The following CYFIP2 variants were observed in gnomAD, a reference collection of about 807,000 sequenced individuals.
The protein encoded by CYFIP2 is cytoplasmic FMR1 interacting protein 2, also known as cytoplasmic FMR1-interacting protein 2.
Under a neutral mutation model 158.7 loss-of-function variants are expected in CYFIP2, and 29 were observed. The observed-to-expected ratio is 0.18, with a 90% CI of 0.14 to 0.25. The LOEUF (loss-of-function observed/expected upper bound fraction) is 0.25, where lower values mean the gene tolerates loss of function less well. CYFIP2 is among the 10% of genes least tolerant of loss of function. The pLI is 1.00. For missense variants in CYFIP2, 852 were observed against 1,639.5 expected (o/e 0.52, Z 8.29); for synonymous variants, 585 against 617.6 (o/e 0.95, Z 0.78).
intron 1 of CYFIP2, among the ~76,000 whole-genome samples, chr5:157,283,316 T>C (rs1325013988): frequency 6.6e-6 from 1 of 152,250 alleles, no homozygotes; most frequent in East Asian, 1.9e-4. Context: ...ACTATTATTA[T>C]AATTGGAATT....
rs1158474302 is a variant in CYFIP2 at position 157,359,037 on chromosome 5, C to T, written c.2706C>T (p.Ser902=). ...PLNIAYSHIY[S]SYRNFVGPPH... is the part of the protein sequence containing the mutation. The stretch of plus-strand genomic sequence containing the variant: ...ACATTGCCTACAGCCACATCTACAG[C>T]TCCTACAGGAATTTCGTGGGGCCAC... The change falls in exon 24 of 31, where the codon AGC becomes AGT. Residue 902 remains serine, a synonymous_variant. Transcript: ENST00000620254. 3.7e-6 allele frequency: 6 copies of T among 1,613,876 alleles called. No homozygotes were observed. The Admixed American group carries it at 8.3e-5, about 22-fold the overall frequency.
At chr5:157,364,208 G>A (rs867739326) in intron 26 of CYFIP2, 4 of 144,414 alleles carry the variant, frequency 2.8e-5, no homozygotes, top group Non-Finnish European at 4.5e-5. Context: ...GGGTGGCGGG[G>A]GGGGGTGGGT....
chr5:157,383,412 C>A, intron 28 of CYFIP2, 53 bp downstream of exon 28: 1 of 1,518,040 alleles, frequency 6.6e-7, no homozygotes. Context: ...AACTTGAGAG[C>A]ATTTGACCAA....
At position 157,277,614 on chromosome 5, in the gene CYFIP2, C is replaced by T. The variant is rs533738342; in HGVS notation, c.-23-7725C>T. Among the ~76,000 whole-genome samples, 6 of 152,334 alleles carry T rather than the reference C, an allele frequency of 3.9e-5. No individual in the cohort carries two copies. The East Asian group carries it at 9.6e-4, about 24-fold the overall frequency. On this transcript the variant is annotated intron_variant, in intron 1 of 30. Coordinates refer to ENST00000620254, the MANE Select transcript of CYFIP2 (RefSeq NM_001037333.3). ...GGTCCCTGACCTTGAGGAGCTTTCA[C>T]ATGCATGGTTCTACTCCAGAGAGGG... is the stretch of plus-strand genomic sequence containing the variant.
intron 23 of CYFIP2, among the ~76,000 whole-genome samples, chr5:157,344,530 A>G (rs769783732): frequency 2.0e-5 from 3 of 152,196 alleles, no homozygotes. Flanking sequence ...CTGTTTTTCC[A>G]GACAAATCAA....
intron 8 of CYFIP2, among the ~76,000 whole-genome samples, chr5:157,307,158 A>G (rs1759303154): frequency 6.6e-6 from 1 of 152,194 alleles, no homozygotes; most frequent in South Asian, 2.1e-4. Flanking sequence ...TTAAAAAATT[A>G]AAGTCACCAG....
At chr5:157,312,472 C>T (rs192667882) in intron 11 of CYFIP2, among the ~76,000 whole-genome samples, 9 of 152,236 alleles carry the variant, frequency 5.9e-5, no homozygotes, top group Admixed American at 3.9e-4. Context: ...CCTTCTGATA[C>T]TCATCCCATA....
At chr5:157,276,175 A>G (rs1331423235) in intron 1 of CYFIP2, among the ~76,000 whole-genome samples, 1 of 152,220 alleles carries the variant, frequency 6.6e-6, no homozygotes, top group African/African-American at 2.4e-5. Context: ...TAGAACTGCC[A>G]GTACAATGTT....
chr5:157,310,661 C>T (rs1425899139), intron 10 of CYFIP2, among the ~76,000 whole-genome samples: 1 of 152,218 alleles, frequency 6.6e-6, no homozygotes, highest in African/African-American at 2.4e-5. Flanking sequence ...GACTTCTCGA[C>T]CAGCTGAAGC....
At chr5:157,303,274 A>G (rs923864231) in intron 7 of CYFIP2, among the ~76,000 whole-genome samples, 6 of 152,202 alleles carry the variant, frequency 3.9e-5, no homozygotes, top group Non-Finnish European at 8.8e-5. Flanking sequence ...TTTTGAGAAT[A>G]TTATGAGAAC....
chr5:157,298,182 G>A (rs1296837161), intron 5 of CYFIP2, among the ~76,000 whole-genome samples: 3 of 151,768 alleles, frequency 2.0e-5, no homozygotes, highest in Non-Finnish European at 4.4e-5. Context: ...TCTTTTTGTT[G>A]TTGCTGTTCC....
intron 26 of CYFIP2, among the ~76,000 whole-genome samples, chr5:157,371,346 C>T (rs1764982796): frequency 6.6e-6 from 1 of 152,136 alleles, no homozygotes; most frequent in Admixed American, 6.6e-5. Context: ...CTCCTTTCTC[C>T]ATACAAAAAC....
chr5:157,374,447 C>A (rs1308079346), intron 26 of CYFIP2, among the ~76,000 whole-genome samples: 1 of 152,116 alleles, frequency 6.6e-6, no homozygotes, highest in Non-Finnish European at 1.5e-5. Context: ...TAAACTATAC[C>A]CAGCAGCCTT....
chr5:157,299,819 T>C (rs904873976), intron 5 of CYFIP2, among the ~76,000 whole-genome samples: 1 of 152,166 alleles, frequency 6.6e-6, no homozygotes. Flanking sequence ...GGAGAATCAC[T>C]GGAACCTGAG....
intron 3 of CYFIP2, among the ~76,000 whole-genome samples, chr5:157,293,906 A>C (rs973878090): frequency 3.9e-5 from 6 of 152,064 alleles, no homozygotes; most frequent in Middle Eastern, 6.8e-3. Context: ...CCAGTCATGG[A>C]GTGTGGAAAA....
At chr5:157,330,901 C>A in intron 20 of CYFIP2, 51 bp downstream of exon 20, 1 of 1,414,408 alleles carries the variant, frequency 7.1e-7, no homozygotes, top group Non-Finnish European at 1.0e-6. Flanking sequence ...GAGAGAGCAG[C>A]TGCGAAGTTA....
At chr5:157,313,573 C>T (rs1418460659) in intron 11 of CYFIP2, among the ~76,000 whole-genome samples, 1 of 152,230 alleles carries the variant, frequency 6.6e-6, no homozygotes, top group African/African-American at 2.4e-5. Flanking sequence ...TGTCCGACTT[C>T]AGCTGGGAGT....
rs867112393 is a variant in CYFIP2, at chr5:157,315,211, G to A, written c.1356+117G>A. 4.5e-6 allele frequency: 6 copies of A among 1,343,746 alleles called. No homozygotes were observed. In the Middle Eastern group the frequency reaches 8.0e-4, roughly 180 times the overall value. 83.2% of individuals were successfully genotyped at this position (1,343,746 alleles called of 1,614,324 possible). ...TGCCCTAATTTTCGTGCTCTTCCCTGTCCTACCATCTAAATTAATCCGTCA... is the reference window on the plus strand; with the variant it reads ...TGCCCTAATTTTCGTGCTCTTCCCTATCCTACCATCTAAATTAATCCGTCA... On this transcript the variant is annotated intron_variant, in intron 13 of 30. Transcript: ENST00000620254.
intron 5 of CYFIP2, among the ~76,000 whole-genome samples, chr5:157,299,399 A>G (rs935884418): frequency 3.1e-4 from 47 of 152,052 alleles, no homozygotes; most frequent in African/African-American, 7.7e-4. Flanking sequence ...CACACTGACC[A>G]TTGAGTTACC....
Sources: gnomAD v4.1 joint callset for allele counts (sites outside exome capture counted in the v4.1 genomes callset) on GRCh38, gnomAD v4.1.1 for gene constraint, MANE v1.5 for transcripts, NCBI Gene and HGNC (gene_info 2026-07-23, HGNC 2026-07-21) for gene names.